The following MYOZ3 variants were observed in gnomAD, a reference collection of about 807,000 sequenced individuals.
MYOZ3 encodes myozenin 3.
In MYOZ3, 19 loss-of-function variants were observed where a neutral mutation model predicts 26.5. The ratio of observed to expected loss-of-function variants is 0.72; its 90% CI spans 0.50 to 1.05. MYOZ3 has a LOEUF of 1.05. MYOZ3 is among the 50% of genes least tolerant of loss of function. The pLI, the probability that MYOZ3 is intolerant of heterozygous loss-of-function variation, is 0.00. For missense variants in MYOZ3, 322 were observed against 337.1 expected (o/e 0.96, Z 0.35); for synonymous variants, 135 against 138.8 (o/e 0.97, Z 0.19).
intron 6 of MYOZ3, among the ~76,000 whole-genome samples, chr5:150,675,558 C>T (rs113428172): frequency 2.0e-5 from 3 of 151,914 alleles, no homozygotes; most frequent in Non-Finnish European, 4.4e-5. Flanking sequence ...TTTTTACTAG[C>T]GACGGGGTTT....
chr5:150,676,994 T>A lies in MYOZ3; in HGVS notation c.*119T>A. On this transcript the variant is annotated 3_prime_UTR_variant, in exon 7 of 7. Coordinates refer to ENST00000517768, the MANE Select transcript of MYOZ3 (RefSeq NM_001122853.3). ...TTCACACACAAAACCTGATTGCAAA[T>A]GGCTTCAGAGGTCACCAAGTTCAGT... The A allele has an allele frequency of 2.9e-6, 3 of 1,041,350 alleles. No individual in the cohort carries two copies. Among genetic ancestry groups the A allele is most frequent in the South Asian group, 3.1e-5 (2 of 64,098 alleles). 64.5% of individuals were successfully genotyped at this position (1,041,350 alleles called of 1,614,324 possible).
chr5:150,672,201 GC>G, intron 5 of MYOZ3, 138 bp from the exon 6 acceptor site: 2 of 1,305,488 alleles, frequency 1.5e-6, no homozygotes, highest in Non-Finnish European at 1.1e-6. Context: ...AGCAACTGTG[GC>G]TTCCCATTCC....
At chr5:150,676,660 G>C in intron 6 of MYOZ3, 47 bp from the exon 7 acceptor site, 8 of 1,588,030 alleles carry the variant, frequency 5.0e-6, no homozygotes, top group Non-Finnish European at 6.9e-6. Context: ...GTGTACTGCT[G>C]TCCCTGTTCC....
Position 150,661,288 on chromosome 5 carries a change from G to A in MYOZ3, c.-141G>A, listed in dbSNP as rs1758726672. 1 of 152,480 alleles carries A rather than the reference G, an allele frequency of 6.6e-6. No individual in the cohort carries two copies. Among genetic ancestry groups the A allele is most frequent in the African/African-American group, 2.4e-5 (1 of 41,478 alleles). The allele number at this position is 152,480 out of a possible 1,614,324, so 9.4% of individuals were successfully genotyped here. The stretch of plus-strand genomic sequence containing the variant: ...CAGCTGAAGCCAGAGCTGGCTGCAG[G>A]GGACACCCTGCTCGCTGCCTACTGA... On this transcript the variant is annotated 5_prime_UTR_variant, in exon 1 of 7. Coordinates refer to ENST00000517768, the MANE Select transcript of MYOZ3 (RefSeq NM_001122853.3).
At chr5:150,670,715 A>C in intron 3 of MYOZ3, 77 bp downstream of exon 3, 2 of 1,425,678 alleles carry the variant, frequency 1.4e-6, no homozygotes, top group Non-Finnish European at 1.9e-6. Context: ...GTCAAACGGT[A>C]AGCCAGGCTG....
intron 2 of MYOZ3, among the ~76,000 whole-genome samples, chr5:150,667,973 G>A (rs770274776): frequency 3.0e-4 from 45 of 152,254 alleles, no homozygotes; most frequent in African/African-American, 1.1e-3. Context: ...TTTAATAAGC[G>A]GTCTGTATTC....
At chr5:150,672,613 C>T in intron 6 of MYOZ3, 111 bp downstream of exon 6, 1 of 1,301,200 alleles carries the variant, frequency 7.7e-7, no homozygotes, top group Non-Finnish European at 1.0e-6. Context: ...AGGCTCTGTC[C>T]CCAGCGCTTT....
chr5:150,675,282 CTTTT>C (rs1297078288), intron 6 of MYOZ3, among the ~76,000 whole-genome samples: 2 of 150,072 alleles, frequency 1.3e-5, no homozygotes, highest in East Asian at 3.9e-4. Context: ...TGTTAACTTG[CTTTT>C]TTTACTCAAC....
chr5:150,670,119 C>G (rs1758878719), intron 2 of MYOZ3: 1 of 164,422 alleles, frequency 6.1e-6, no homozygotes, highest in African/African-American at 2.4e-5. Flanking sequence ...CAGTCATCCT[C>G]TCTCACTCAT....
chr5:150,676,704 CA>C lies in MYOZ3; in HGVS notation c.588-2del, dbSNP rs1464682859. The C allele has an allele frequency of 6.2e-7, 1 of 1,613,302 alleles. No individual in the cohort carries two copies. The highest frequency in any genetic ancestry group is 1.7e-5 in the Admixed American group (1 of 59,972). ...CACCTCTCCTGCTGCTCTCTTTCTC[CA>C]GGACCCCGGTGCCATTTGGAGGACC... On this transcript the variant is annotated splice_acceptor_variant, in intron 6 of 6. Transcript: ENST00000517768. LOFTEE classifies it high-confidence loss of function.
At chr5:150,671,529 G>T in intron 3 of MYOZ3, 68 bp from the exon 4 acceptor site, 6 of 1,542,464 alleles carry the variant, frequency 3.9e-6, no homozygotes, top group Middle Eastern at 1.7e-4. Context: ...TTTTTTTGGT[G>T]GAGGGAGAAC....
At position 150,671,814 on chromosome 5, in the gene MYOZ3, G is replaced by A. The variant is rs1377286644; in HGVS notation, c.330G>A (p.Pro110=). 7 of 1,612,166 alleles carry A rather than the reference G, an allele frequency of 4.3e-6. No homozygotes were observed. In the South Asian group the frequency reaches 7.7e-5, roughly 18 times the overall value. ...PNYRSELHIF[P]ASPGASLGGP... Reference sequence around the variant, plus strand: ...ACCGCTCGGAGCTCCACATCTTCCCGGCCTCACCCGGGGCCTCACTCGGGG... The same window carrying A: ...ACCGCTCGGAGCTCCACATCTTCCCAGCCTCACCCGGGGCCTCACTCGGGG... The change falls in exon 5 of 7, where the codon CCG becomes CCA. Residue 110 remains proline (P), a synonymous_variant. Transcript: ENST00000517768.
intron 3 of MYOZ3, 59 bp from the exon 4 acceptor site, chr5:150,671,538 A>G: frequency 6.3e-7 from 1 of 1,589,794 alleles, no homozygotes; most frequent in Non-Finnish European, 8.6e-7. Context: ...TGGAGGGAGA[A>G]CCCTGGTCCC....
At chr5:150,666,412 G>A (rs1758809582) in intron 2 of MYOZ3, among the ~76,000 whole-genome samples, 1 of 151,836 alleles carries the variant, frequency 6.6e-6, no homozygotes, top group African/African-American at 2.4e-5. Flanking sequence ...TCAGGAGTTT[G>A]GGACCAGCCT....
At chr5:150,675,226 T>TTG (rs1554114368) in intron 6 of MYOZ3, among the ~76,000 whole-genome samples, 3 of 151,364 alleles carry the variant, frequency 2.0e-5, no homozygotes, top group African/African-American at 4.9e-5. Flanking sequence ...GGAATGGCGT[T>TTG]TGTGTGTGTG....
chr5:150,662,802 A>G (rs1758754456), intron 1 of MYOZ3, 139 bp from the exon 2 acceptor site: 2 of 719,774 alleles, frequency 2.8e-6, no homozygotes, highest in Admixed American at 5.6e-5. Flanking sequence ...AGTCCCTTCC[A>G]GCTCAGACAT....
rs1759021684 is a variant in MYOZ3 at position 150,677,001 on chromosome 5, A to G, written c.*126A>G. 1 of 926,892 alleles carries G rather than the reference A, an allele frequency of 1.1e-6. No homozygotes were observed. The highest frequency in any genetic ancestry group is 1.6e-6 in the Non-Finnish European group (1 of 623,472). 57.4% of individuals were successfully genotyped at this position (926,892 alleles called of 1,614,324 possible). A position where few individuals can be genotyped will look rare whatever the true frequency, so the allele number is the denominator to read the frequency against. ...ACAAAACCTGATTGCAAATGGCTTC[A>G]GAGGTCACCAAGTTCAGTCGTCCCA... On this transcript the variant is annotated 3_prime_UTR_variant, in exon 7 of 7. Transcript: ENST00000517768.
intron 5 of MYOZ3, chr5:150,672,111 C>A: frequency 9.4e-7 from 1 of 1,061,620 alleles, no homozygotes; most frequent in Non-Finnish European, 1.4e-6. Context: ...AAGGCCAAGA[C>A]CAACCCGCGC....
chr5:150,672,646 C>A, intron 6 of MYOZ3, 144 bp downstream of exon 6: 1 of 992,060 alleles, frequency 1.0e-6, no homozygotes, highest in Non-Finnish European at 1.4e-6. Context: ...TGAGCTCTGG[C>A]TGGAACAGCG....
Sources: gnomAD v4.1 joint callset for allele counts (sites outside exome capture counted in the v4.1 genomes callset) on GRCh38, gnomAD v4.1.1 for gene constraint, MANE v1.5 for transcripts, NCBI Gene and HGNC (gene_info 2026-07-23, HGNC 2026-07-21) for gene names.